TRNT1: variants seen among roughly 807,000 people sequenced by gnomAD.
The protein encoded by TRNT1 is tRNA nucleotidyl transferase 1, also known as CCA tRNA nucleotidyltransferase 1, mitochondrial.
Under a neutral mutation model 45.6 loss-of-function variants are expected in TRNT1, and 44 were observed. That is an observed-to-expected ratio of 0.97 (90% CI 0.76 to 1.24). The LOEUF (loss-of-function observed/expected upper bound fraction) is 1.24, where lower values mean the gene tolerates loss of function less well. Ranked by LOEUF, TRNT1 falls within the 50% of genes most tolerant of loss-of-function variation. TRNT1 has a pLI of 0.00. For missense variants in TRNT1, 633 were observed against 504.4 expected, an observed-to-expected ratio of 1.25 and a Z score of -2.44; for synonymous variants, 201 against 171.4, an observed-to-expected ratio of 1.17 and a Z score of -1.35.
chr3:3,128,742 A>G (rs532703609), intron 1 of TRNT1, among the ~76,000 whole-genome samples: 1 of 150,724 alleles, frequency 6.6e-6, no homozygotes, highest in South Asian at 2.1e-4. Flanking sequence ...TCAGCTTTTA[A>G]TATGTAACTC....
At chr3:3,150,731 C>T (rs1049268060), downstream of TRNT1, 3 of 881,794 alleles carry the variant, frequency 3.4e-6, no homozygotes, top group African/African-American at 1.7e-5. Context: ...GAAACTGCAA[C>T]CCTCCAAGTA....
rs199510961 is a variant in TRNT1 at position 3,147,895 on chromosome 3, T to C, written c.1057-11T>C. On this transcript the variant is annotated splice_polypyrimidine_tract_variant and intron_variant, in intron 7 of 7. Transcript: ENST00000251607. ...GTGTGACGAAACTAAATGTTTGATTTTGACACGTAGTCTAGGGAACCTGAT... is the reference window on the plus strand; with the variant it reads ...GTGTGACGAAACTAAATGTTTGATTCTGACACGTAGTCTAGGGAACCTGAT... 1 of 1,599,948 alleles carries C rather than the reference T, an allele frequency of 6.3e-7. No homozygotes were observed. The highest frequency in any genetic ancestry group is 1.7e-5 in the Admixed American group (1 of 57,556).
downstream of TRNT1, chr3:3,152,696 G>T: frequency 7.6e-7 from 1 of 1,323,346 alleles, no homozygotes; most frequent in Non-Finnish European, 1.1e-6. Context: ...GAGCTATACA[G>T]TTTTTAATCC....
At chr3:3,142,333 T>C (rs1013565197) in intron 4 of TRNT1, among the ~76,000 whole-genome samples, 1 of 152,164 alleles carries the variant, frequency 6.6e-6, no homozygotes, top group Non-Finnish European at 1.5e-5. Flanking sequence ...CTGAGCACAT[T>C]ATGTAAATTT....
intron 4 of TRNT1, among the ~76,000 whole-genome samples, chr3:3,141,062 A>C (rs1705618187): frequency 6.6e-6 from 1 of 151,842 alleles, no homozygotes; most frequent in Non-Finnish European, 1.5e-5. Flanking sequence ...ACAGAGCGAG[A>C]CTCCATCTCA....
chr3:3,146,679 A>G (rs1444559271), intron 6 of TRNT1, 56 bp downstream of exon 6: 5 of 1,397,454 alleles, frequency 3.6e-6, no homozygotes, highest in East Asian at 2.4e-5. Flanking sequence ...CTGGTTTCAA[A>G]TTTCATAAGG....
At chr3:3,130,117 A>G in intron 2 of TRNT1, 2 of 701,828 alleles carry the variant, frequency 2.8e-6, no homozygotes, top group South Asian at 1.9e-5. Context: ...ACACAGTAGC[A>G]TTACAAAGCC....
rs1706255182 is a variant in TRNT1, at chr3:3,148,881, G to A, written c.*727G>A. 1 of 152,086 alleles carries A rather than the reference G, an allele frequency of 6.6e-6. No individual in the cohort carries two copies. Among genetic ancestry groups the A allele is most frequent in the Non-Finnish European group, 1.5e-5 (1 of 67,996 alleles). The allele number at this position is 152,086 out of a possible 1,614,324, so 9.4% of individuals were successfully genotyped here. A position where few individuals can be genotyped will look rare whatever the true frequency, so the allele number is the denominator to read the frequency against. ...ATGTTTATGTGGTATCTGACAATGT[G>A]TATTAGGTGTCATATACAATGGTAA... On this transcript the variant is annotated 3_prime_UTR_variant, in exon 8 of 8. Transcript: ENST00000251607.
intron 5 of TRNT1, chr3:3,144,942 T>A: frequency 4.0e-6 from 1 of 250,290 alleles, no homozygotes; most frequent in Non-Finnish European, 7.3e-6. Flanking sequence ...CCTACAATTT[T>A]AAGTCATCTT....
chr3:3,152,150 ATT>A (rs66844241), downstream of TRNT1, among the ~76,000 whole-genome samples: 1 of 147,166 alleles, frequency 6.8e-6, no homozygotes. Context: ...ATTTAAATAA[ATT>A]TTTTTTTTTT....
rs754369247 is a variant in TRNT1 at position 3,144,595 on chromosome 3, A to G, written c.493A>G (p.Thr165Ala). The part of the protein sequence containing the change: ...INSMFLGFDG[T>A]LFDYFNGYED... Reference sequence around the variant, plus strand: ...TTTCTAATGAATAGGTTTTGATGGCACTTTATTTGACTACTTTAATGGTTA... The same window carrying G: ...TTTCTAATGAATAGGTTTTGATGGCGCTTTATTTGACTACTTTAATGGTTA... The change falls in exon 5 of 8, where the codon ACT becomes GCT. Residue 165 changes from threonine (T) to alanine (A), a missense_variant. Coordinates refer to ENST00000251607, the MANE Select transcript of TRNT1 (RefSeq NM_182916.3). 2 of 1,581,528 alleles carry G rather than the reference A, an allele frequency of 1.3e-6. No individual in the cohort carries two copies. The highest frequency in any genetic ancestry group is 1.7e-6 in the Non-Finnish European group (2 of 1,161,290).
chr3:3,131,371 A>C (rs1705009070), intron 2 of TRNT1: 1 of 152,202 alleles, frequency 6.6e-6, no homozygotes, highest in East Asian at 1.9e-4. Flanking sequence ...AACTCAGGTC[A>C]TTCTGCATTT....
intron 4 of TRNT1, among the ~76,000 whole-genome samples, chr3:3,142,333 T>G (rs1013565197): frequency 1.3e-5 from 2 of 152,164 alleles, no homozygotes; most frequent in African/African-American, 4.8e-5. Context: ...CTGAGCACAT[T>G]ATGTAAATTT....
chr3:3,138,223 C>T (rs1705442689), intron 3 of TRNT1, among the ~76,000 whole-genome samples: 1 of 152,140 alleles, frequency 6.6e-6, no homozygotes, highest in Non-Finnish European at 1.5e-5. Flanking sequence ...CCTGAGGAAG[C>T]CTTACACGTC....
At chr3:3,137,165 C>A in intron 2 of TRNT1, 95 bp from the exon 3 acceptor site, 1 of 998,500 alleles carries the variant, frequency 1.0e-6, no homozygotes, top group Non-Finnish European at 1.4e-6. Context: ...CTCTGCTGTT[C>A]CAACTAGATG....
Position 3,131,030 on chromosome 3 carries a change from G to A in TRNT1, c.148+1842G>A, listed in dbSNP as rs548983553. The stretch of plus-strand genomic sequence containing the variant: ...CTGGGAGGGGGGCTTGCGGTAAGCC[G>A]AGATTGTGCCACTACACTCCAGCCT... On this transcript the variant is annotated intron_variant, in intron 2 of 7. Transcript: ENST00000251607. Among the ~76,000 whole-genome samples, 20 of 151,684 alleles carry A rather than the reference G, an allele frequency of 1.3e-4. No individual in the cohort carries two copies. In the East Asian group the frequency reaches 1.7e-3, roughly 13 times the overall value.
intron 2 of TRNT1, among the ~76,000 whole-genome samples, chr3:3,133,883 C>T (rs374816074): frequency 6.6e-6 from 1 of 151,968 alleles, no homozygotes; most frequent in African/African-American, 2.4e-5. Context: ...ACCCCAGCCT[C>T]CAGTCGTCAA....
At chr3:3,143,604 A>G (rs1159071678) in intron 4 of TRNT1, among the ~76,000 whole-genome samples, 1 of 152,238 alleles carries the variant, frequency 6.6e-6, no homozygotes, top group Admixed American at 6.5e-5. Flanking sequence ...CTGGCCGGGC[A>G]TGGTGGCTTA....
Position 3,146,512 on chromosome 3 carries a change from G to A in TRNT1, c.691G>A (p.Ala231Thr), listed in dbSNP as rs967168188. ...EAIAENAKGL[A>T]GISGERIWVE... ...AATTGCAGAAAATGCAAAAGGCTTG[G>A]CTGGAATATCAGGAGAAAGGATTTG... Residue 231 changes from alanine to threonine, a missense_variant, in exon 6 of 8, where the codon GCT (alanine) becomes ACT (threonine). Coordinates refer to ENST00000251607, the MANE Select transcript of TRNT1 (RefSeq NM_182916.3). The A allele has an allele frequency of 6.2e-7, 1 of 1,614,072 alleles. No individual in the cohort carries two copies.
Sources: allele counts gnomAD v4.1 joint callset (sites outside exome capture counted in the v4.1 genomes callset), GRCh38; gene constraint gnomAD v4.1.1; transcripts MANE v1.5; gene names NCBI Gene and HGNC (gene_info 2026-07-23, HGNC 2026-07-21).